Variants in TMEM117 observed in about 807,000 individuals in gnomAD.
TMEM117 encodes transmembrane protein 117.
In TMEM117, 27 loss-of-function variants were observed where a neutral mutation model predicts 52.4. The observed-to-expected ratio is 0.51, with a 90% CI of 0.38 to 0.71. TMEM117 has a LOEUF of 0.71. Ranked by LOEUF, TMEM117 falls within the 30% of genes least tolerant of loss-of-function variation. The probability of loss-of-function intolerance (pLI) is 0.00; values close to 1 mark genes in which losing one functional copy is unlikely to be tolerated. For missense variants in TMEM117, 556 were observed against 630.5 expected (o/e 0.88, Z 1.26); for synonymous variants, 215 against 206.3 (o/e 1.04, Z -0.36).
At chr12:43,907,219 C>A (rs1024746033) in intron 2 of TMEM117, among the ~76,000 whole-genome samples, 1 of 152,070 alleles carries the variant, frequency 6.6e-6, no homozygotes, top group Non-Finnish European at 1.5e-5. Context: ...CTGGGAGGCA[C>A]CCCCCGGCAG....
intron 6 of TMEM117, among the ~76,000 whole-genome samples, chr12:44,369,385 G>A (rs1363419090): frequency 1.3e-5 from 2 of 152,182 alleles, no homozygotes; most frequent in East Asian, 3.9e-4. Context: ...CCTCTGAAAA[G>A]TAACAGACTA....
chr12:44,340,540 C>T (rs1951403092), intron 6 of TMEM117, among the ~76,000 whole-genome samples: 1 of 152,114 alleles, frequency 6.6e-6, no homozygotes, highest in Admixed American at 6.6e-5. Context: ...TCTCGAGCTA[C>T]AGAGGCCCTT....
intron 4 of TMEM117, among the ~76,000 whole-genome samples, chr12:44,190,286 C>T (rs1167204730): frequency 6.6e-6 from 1 of 152,174 alleles, no homozygotes; most frequent in Non-Finnish European, 1.5e-5. Flanking sequence ...TGCTATTAAG[C>T]CACATAGCTA....
At chr12:44,258,458 G>C (rs1254840060) in intron 5 of TMEM117, among the ~76,000 whole-genome samples, 1 of 151,972 alleles carries the variant, frequency 6.6e-6, no homozygotes, top group Non-Finnish European at 1.5e-5. Flanking sequence ...ATGACATATG[G>C]TGTGTATTCT....
chr12:44,105,696 C>A (rs1349968668), intron 3 of TMEM117, among the ~76,000 whole-genome samples: 1 of 151,928 alleles, frequency 6.6e-6, no homozygotes, highest in Non-Finnish European at 1.5e-5. Flanking sequence ...CCTCCTGGCC[C>A]CTGGGTGGGA....
intron 5 of TMEM117, among the ~76,000 whole-genome samples, chr12:44,236,811 G>C (rs547706486): frequency 3.3e-5 from 5 of 152,096 alleles, no homozygotes; most frequent in African/African-American, 1.2e-4. Context: ...AAGGCTTGAG[G>C]CATCATGAAC....
At chr12:44,326,194 GTTTTTTGT>G (rs1320901699) in intron 6 of TMEM117, among the ~76,000 whole-genome samples, 220 of 150,946 alleles carry the variant, frequency 1.5e-3, no homozygotes, top group African/African-American at 5.4e-3. Flanking sequence ...TTTGTTTTTT[GTTTTTTGT>G]TTTTTATTTA....
chr12:43,966,730 G>A (rs1945492064), intron 3 of TMEM117, among the ~76,000 whole-genome samples: 1 of 152,130 alleles, frequency 6.6e-6, no homozygotes, highest in South Asian at 2.1e-4. Context: ...TGAGTTACTA[G>A]GCAAAGAATA....
chr12:44,204,801 G>A (rs1311847204), intron 4 of TMEM117, among the ~76,000 whole-genome samples: 1 of 152,124 alleles, frequency 6.6e-6, no homozygotes, highest in African/African-American at 2.4e-5. Flanking sequence ...AAGCAATGGG[G>A]AGGGGACTCC....
the TMEM117 span, chr12:43,806,397 G>T: frequency 8.5e-7 from 1 of 1,174,592 alleles, no homozygotes; most frequent in South Asian, 4.0e-5. Flanking sequence ...CTGAGTGCCC[G>T]AGCGTCCCCG....
intron 5 of TMEM117, among the ~76,000 whole-genome samples, chr12:44,224,851 C>T (rs1322743915): frequency 2.0e-5 from 3 of 152,034 alleles, no homozygotes; most frequent in African/African-American, 7.2e-5. Context: ...TTTTGCTCTC[C>T]CCAAGCCCAT....
At chr12:44,188,907 T>G in intron 4 of TMEM117, among the ~76,000 whole-genome samples, 1 of 152,194 alleles carries the variant, frequency 6.6e-6, no homozygotes, top group Non-Finnish European at 1.5e-5. Context: ...AGAAAAGTGC[T>G]TTAGCATGTA....
intron 2 of TMEM117, among the ~76,000 whole-genome samples, chr12:43,869,204 C>T (rs1053958329): frequency 2.0e-5 from 3 of 151,814 alleles, no homozygotes; most frequent in Non-Finnish European, 4.4e-5. Context: ...TATCAAAAAC[C>T]TCTTTAGAAA....
Position 43,846,299 on chromosome 12 carries a change from T to C in TMEM117, c.277+1371T>C, listed in dbSNP as rs537151671. Among the ~76,000 whole-genome samples the C allele has an allele frequency of 3.3e-5, 5 of 151,478 alleles. No individual in the cohort carries two copies. In the South Asian group the frequency reaches 8.3e-4, roughly 25 times the overall value. On this transcript the variant is annotated intron_variant, in intron 2 of 7. Transcript: ENST00000266534. ...ATGAAGTGACAGGGACATTGGGACA[T>C]TGGGATAAATGAAACCAAGGGTTTG...
intron 2 of TMEM117, among the ~76,000 whole-genome samples, chr12:43,879,442 A>G (rs1254557349): frequency 6.6e-6 from 1 of 152,202 alleles, no homozygotes; most frequent in East Asian, 1.9e-4. Context: ...ATCACTCTGA[A>G]GCAAACTTAT....
chr12:43,960,507 G>C (rs1945384485), intron 3 of TMEM117, among the ~76,000 whole-genome samples: 1 of 152,182 alleles, frequency 6.6e-6, no homozygotes, highest in South Asian at 2.1e-4. Flanking sequence ...AGTTAGTGTT[G>C]TTTGAATTGG....
intron 4 of TMEM117, among the ~76,000 whole-genome samples, chr12:44,171,928 G>A (rs1374209880): frequency 3.3e-5 from 5 of 152,112 alleles, no homozygotes; most frequent in Admixed American, 6.6e-5. Flanking sequence ...CATGTGCAAA[G>A]CCCCAAGACG....
chr12:44,327,620 C>T (rs1208078247), intron 6 of TMEM117, among the ~76,000 whole-genome samples: 3 of 152,202 alleles, frequency 2.0e-5, no homozygotes, highest in South Asian at 4.1e-4. Flanking sequence ...TATATTTTAA[C>T]ATCTGTTATA....
chr12:43,891,568 A>G (rs969078768), intron 2 of TMEM117, among the ~76,000 whole-genome samples: 30 of 151,234 alleles, frequency 2.0e-4, no homozygotes, highest in African/African-American at 7.3e-4. Flanking sequence ...GGGTTTCACC[A>G]TGTCAGTCAG....
Sources: allele counts gnomAD v4.1 joint callset (sites outside exome capture counted in the v4.1 genomes callset), GRCh38; gene constraint gnomAD v4.1.1; transcripts MANE v1.5; gene names NCBI Gene and HGNC (gene_info 2026-07-23, HGNC 2026-07-21).